Variants in TFDP1 observed in about 807,000 individuals in gnomAD.
The protein encoded by TFDP1 is DRTF1-polypeptide 1.
In TFDP1, 6 loss-of-function variants were observed where a neutral mutation model predicts 48.0. That is an observed-to-expected ratio of 0.13 (90% CI 0.07 to 0.25). The LOEUF is 0.25. Among genes scored for constraint, TFDP1 ranks in the 10% least tolerant of loss-of-function variants. The probability of loss-of-function intolerance (pLI) is 1.00; values close to 1 mark genes in which losing one functional copy is unlikely to be tolerated. For missense variants in TFDP1, 335 were observed against 543.0 expected (o/e 0.62, Z 3.81); for synonymous variants, 201 against 211.6 (o/e 0.95, Z 0.44).
At chr13:113,626,858 CAT>C (rs1337003845) in intron 4 of TFDP1, among the ~76,000 whole-genome samples, 1 of 152,192 alleles carries the variant, frequency 6.6e-6, no homozygotes, top group Non-Finnish European at 1.5e-5. Context: ...TGCTGTGTGT[CAT>C]AGCAGAGTTT....
At position 113,632,277 on chromosome 13, in the gene TFDP1, C is replaced by G. The variant is rs141340571; in HGVS notation, c.308+533C>G. Among the ~76,000 whole-genome samples, 291 of 152,386 alleles carry G rather than the reference C, an allele frequency of 1.9e-3. 2 individuals carry two copies. Among genetic ancestry groups the G allele is most frequent in the African/African-American group, 6.4e-3 (267 of 41,586 alleles). On this transcript the variant is annotated intron_variant, in intron 5 of 11. Coordinates refer to ENST00000375370, the MANE Select transcript of TFDP1 (RefSeq NM_007111.5). ...GCCTGTGTTGGTGCCCAAAGCTTCACCAGCTAGGAACCTCAGGTGGCCTTT... is the reference window on the plus strand; with the variant it reads ...GCCTGTGTTGGTGCCCAAAGCTTCAGCAGCTAGGAACCTCAGGTGGCCTTT...
intron 4 of TFDP1, among the ~76,000 whole-genome samples, chr13:113,625,299 CTCTCACGTGTCCTCACGTGTT>C (rs2049116225): frequency 6.1e-5 from 4 of 65,452 alleles, no homozygotes; most frequent in Admixed American, 1.7e-4. Flanking sequence ...CCTCAGGTGT[CTCTCACGTGTCCTCACGTGTT>C]TCTCAGGCGT....
chr13:113,591,238 A>AG (rs2048138038), intron 2 of TFDP1, among the ~76,000 whole-genome samples: 1 of 146,618 alleles, frequency 6.8e-6, no homozygotes, highest in African/African-American at 2.5e-5. Flanking sequence ...GCTACTCTCG[A>AG]GGCTGAGAAG....
intron 3 of TFDP1, among the ~76,000 whole-genome samples, chr13:113,622,547 A>T (rs1440063549): frequency 1.3e-5 from 2 of 152,110 alleles, no homozygotes; most frequent in African/African-American, 4.8e-5. Context: ...TATCATTACT[A>T]CTTCTGTTTA....
intron 5 of TFDP1, chr13:113,631,963 C>T (rs1364152430): frequency 1.9e-5 from 11 of 587,146 alleles, no homozygotes; most frequent in African/African-American, 3.8e-5. Context: ...GCACCGCCCA[C>T]CCCGCTTTGT....
In TFDP1 at chr13:113,631,722, G is replaced by A. The variant is rs773698836; in HGVS notation, c.286G>A (p.Asp96Asn). 3.7e-6 allele frequency: 6 copies of A among 1,613,972 alleles called. No homozygotes were observed. The highest frequency in any genetic ancestry group is 2.2e-5 in the South Asian group (2 of 91,086). Residue 96 changes from aspartate (D) to asparagine (N), a missense_variant, in exon 5 of 12, where the codon GAC becomes AAC. This residue lies in a region of TFDP1 where 103 missense variants were observed against 140.4 expected (regional missense o/e 0.73). Transcript: ENST00000375370. ...CTTTGCCTCTCAGAACCAGCCTTCCGACTCCTCACCTTGGTCTGCCGGGTG... is the reference window on the plus strand; with the variant it reads ...CTTTGCCTCTCAGAACCAGCCTTCCAACTCCTCACCTTGGTCTGCCGGGTG... ...THFASQNQPS[D>N]SSPWSAGKRN...
At chr13:113,637,288 A>C (rs906571734) in intron 10 of TFDP1, 1 of 267,648 alleles carries the variant, frequency 3.7e-6, no homozygotes, top group African/African-American at 2.3e-5. Context: ...TTCTCTTGTT[A>C]GCCTAAACTT....
rs139759728 is a variant in TFDP1, at chr13:113,585,830, C to T, written c.-8C>T. The T allele has an allele frequency of 1.2e-3, 1,858 of 1,594,630 alleles. 1 individual carries two copies. The highest frequency in any genetic ancestry group is 1.5e-3 in the Non-Finnish European group (1,722 of 1,166,204). On this transcript the variant is annotated 5_prime_UTR_variant, in exon 2 of 12. Coordinates refer to ENST00000375370, the MANE Select transcript of TFDP1 (RefSeq NM_007111.5). ...CATTTGTAGCATTGATTTCCCGGAT[C>T]TGGTAACATGGCAAAAGATGTAAGT...
chr13:113,592,186 G>A (rs1380269808), intron 2 of TFDP1, among the ~76,000 whole-genome samples: 1 of 152,172 alleles, frequency 6.6e-6, no homozygotes, highest in Non-Finnish European at 1.5e-5. Flanking sequence ...ACGGAGTTTC[G>A]TTCTTGTTGC....
At chr13:113,634,724 T>G (rs1489900348) in intron 8 of TFDP1, 122 bp downstream of exon 8, 4 of 738,014 alleles carry the variant, frequency 5.4e-6, no homozygotes, top group African/African-American at 5.3e-5. Flanking sequence ...GCTCTAAGAT[T>G]CTGAGTGTGA....
chr13:113,635,148 C>T (rs2049451049), intron 8 of TFDP1, among the ~76,000 whole-genome samples: 1 of 152,226 alleles, frequency 6.6e-6, no homozygotes, highest in Non-Finnish European at 1.5e-5. Flanking sequence ...GCCTTCCCCA[C>T]CTCCCATTGA....
chr13:113,619,423 A>G (rs1225719166), intron 3 of TFDP1, among the ~76,000 whole-genome samples: 2 of 150,626 alleles, frequency 1.3e-5, no homozygotes, highest in African/African-American at 4.9e-5. Flanking sequence ...GTGAGCCGAG[A>G]TCATGTCACT....
chr13:113,585,944 C>T (rs2047992843), intron 2 of TFDP1, 95 bp downstream of exon 2: 4 of 1,367,168 alleles, frequency 2.9e-6, no homozygotes, highest in African/African-American at 1.4e-5. Context: ...AACACATAAG[C>T]TACAGTAGTG....
Position 113,597,393 on chromosome 13 carries a change from G to A in TFDP1, c.12+11544G>A, listed in dbSNP as rs940369549. 7.2e-5 allele frequency among the ~76,000 whole-genome samples: 11 copies of A among 152,190 alleles called. 1 individual carries two copies. Among genetic ancestry groups the A allele is most frequent in the Non-Finnish European group, 1.6e-4 (11 of 68,040 alleles). Reference sequence around the variant, plus strand: ...TGAGGCCCCAGGCCTGGACCCCGTCGCGCTGTCTGGCAGCGTGTGCTGCAT... The same window carrying A: ...TGAGGCCCCAGGCCTGGACCCCGTCACGCTGTCTGGCAGCGTGTGCTGCAT... On this transcript the variant is annotated intron_variant, in intron 2 of 11. Transcript: ENST00000375370.
chr13:113,601,795 A>AG (rs1566644007), intron 2 of TFDP1, among the ~76,000 whole-genome samples: 5 of 152,158 alleles, frequency 3.3e-5, no homozygotes, highest in African/African-American at 7.2e-5. Flanking sequence ...GCAGGAGTTG[A>AG]TGGGGGAGCA....
intron 4 of TFDP1, among the ~76,000 whole-genome samples, chr13:113,625,420 GTGTCCTCAGGTGTCTCTCACA>G (rs2049124931): frequency 8.5e-5 from 10 of 117,304 alleles, no homozygotes; most frequent in East Asian, 3.0e-4. Flanking sequence ...TGTCTCTCAC[GTGTCCTCAGGTGTCTCTCACA>G]TGTCCTCAGG....
At chr13:113,587,761 G>T (rs776248557) in intron 2 of TFDP1, among the ~76,000 whole-genome samples, 20 of 152,238 alleles carry the variant, frequency 1.3e-4, no homozygotes, top group Admixed American at 3.3e-4. Flanking sequence ...ACCGCGCCCG[G>T]CCTAGCTAAC....
intron 11 of TFDP1, among the ~76,000 whole-genome samples, chr13:113,638,955 G>A (rs1345055255): frequency 3.9e-5 from 6 of 152,206 alleles, no homozygotes; most frequent in East Asian, 1.9e-4. Context: ...TTGAGCCTGC[G>A]TTGGGATGTG....
chr13:113,636,742 T>TG lies in TFDP1; in HGVS notation c.1006+44dup, dbSNP rs4150810. On this transcript the variant is annotated intron_variant, in intron 10 of 11. Coordinates refer to ENST00000375370, the MANE Select transcript of TFDP1 (RefSeq NM_007111.5). ...CAACCTGGCGTGGCTGTGTGAGGAATGGCCCCCAGCCTCCGACGGTGCCCT... is the reference window on the plus strand; with the variant it reads ...CAACCTGGCGTGGCTGTGTGAGGAATGGGCCCCCAGCCTCCGACGGTGCCCT... 6,125 of 1,598,950 alleles carry TG rather than the reference T, an allele frequency of 3.8e-3. 213 individuals are homozygous for TG. In the African/African-American group the frequency reaches 0.068, roughly 18 times the overall value.
Sources: allele counts gnomAD v4.1 joint callset (sites outside exome capture counted in the v4.1 genomes callset), GRCh38; gene constraint gnomAD v4.1.1; regional missense constraint gnomAD v4.1.1; transcripts MANE v1.5; gene names NCBI Gene and HGNC (gene_info 2026-07-23, HGNC 2026-07-21).